CFAP52: variants seen among roughly 807,000 people sequenced by gnomAD.
CFAP52 encodes cilia- and flagella-associated protein 52.
In CFAP52, 57 loss-of-function variants were observed where a neutral mutation model predicts 70.5. The ratio of observed to expected loss-of-function variants is 0.81; its 90% CI spans 0.65 to 1.01. The LOEUF (loss-of-function observed/expected upper bound fraction) is 1.01, where lower values mean the gene tolerates loss of function less well. Ranked by LOEUF, CFAP52 falls within the 50% of genes least tolerant of loss-of-function variation. CFAP52 has a pLI of 0.00. For missense variants in CFAP52, 785 were observed against 788.5 expected (o/e 1.00, Z 0.05); for synonymous variants, 267 against 292.5 (o/e 0.91, Z 0.89).
intron 3 of CFAP52, among the ~76,000 whole-genome samples, chr17:9,587,676 A>G (rs1254292748): frequency 6.6e-6 from 1 of 152,092 alleles, no homozygotes; most frequent in Non-Finnish European, 1.5e-5. Flanking sequence ...CTTCTTTTGC[A>G]AAGTGTTCAT....
At chr17:9,633,264 G>A (rs897163234) in intron 10 of CFAP52, among the ~76,000 whole-genome samples, 9 of 152,282 alleles carry the variant, frequency 5.9e-5, no homozygotes, top group Admixed American at 2.0e-4. Flanking sequence ...GAGTGCAGTG[G>A]CTCAATCTTG....
At chr17:9,594,167 T>A (rs1483311927) in intron 3 of CFAP52, 26 bp from the exon 4 acceptor site, 1 of 1,547,870 alleles carries the variant, frequency 6.5e-7, no homozygotes, top group East Asian at 2.3e-5. Context: ...TTGACTTTTT[T>A]TTTTTGGTCC....
intron 5 of CFAP52, among the ~76,000 whole-genome samples, chr17:9,599,439 T>A (rs557065870): frequency 6.6e-6 from 1 of 152,342 alleles, no homozygotes; most frequent in South Asian, 2.1e-4. Flanking sequence ...ACCTTTATCC[T>A]AGGAGCCCTT....
chr17:9,596,818 C>T (rs936604964), intron 4 of CFAP52, among the ~76,000 whole-genome samples: 2 of 151,694 alleles, frequency 1.3e-5, no homozygotes, highest in East Asian at 1.9e-4. Flanking sequence ...CAGGTACAAG[C>T]GATTCTCCTG....
At chr17:9,634,646 C>T (rs1021589879) in intron 10 of CFAP52, among the ~76,000 whole-genome samples, 4 of 151,666 alleles carry the variant, frequency 2.6e-5, no homozygotes, top group Non-Finnish European at 4.4e-5. Flanking sequence ...CTCCTGTAGT[C>T]CCAGCTACTT....
chr17:9,635,873 GA>G (rs1240538268), intron 11 of CFAP52, among the ~76,000 whole-genome samples: 2 of 152,062 alleles, frequency 1.3e-5, no homozygotes, highest in African/African-American at 4.8e-5. Context: ...AAGGGGGCAA[GA>G]AAAATAACGA....
rs191090891 is a variant in CFAP52, at chr17:9,600,982, A to G, written c.753+799A>G. On this transcript the variant is annotated intron_variant, in intron 6 of 13. Transcript: ENST00000352665. The stretch of plus-strand genomic sequence containing the variant: ...TGTGAAGAAAGTCATTGGCGGCACT[A>G]TTCACAATAGCAAAGACTTGGAACC... 1.4e-4 allele frequency among the ~76,000 whole-genome samples: 22 copies of G among 152,228 alleles called. No individual in the cohort carries two copies. The East Asian group carries it at 4.2e-3, about 29-fold the overall frequency.
chr17:9,593,978 T>TAAC (rs940282321), intron 3 of CFAP52, among the ~76,000 whole-genome samples: 5 of 151,898 alleles, frequency 3.3e-5, no homozygotes, highest in Non-Finnish European at 7.4e-5. Context: ...AAAGAAACAA[T>TAAC]AACAACAACA....
intron 6 of CFAP52, among the ~76,000 whole-genome samples, chr17:9,607,711 C>T (rs1037604298): frequency 1.3e-5 from 2 of 152,198 alleles, no homozygotes; most frequent in African/African-American, 4.8e-5. Context: ...CTTCTCTTGG[C>T]TGCATTTGAG....
At chr17:9,604,879 A>C (rs1909423359) in intron 6 of CFAP52, among the ~76,000 whole-genome samples, 1 of 152,196 alleles carries the variant, frequency 6.6e-6, no homozygotes, top group African/African-American at 2.4e-5. Flanking sequence ...AATGTAATTA[A>C]AACAGCAATG....
intron 8 of CFAP52, among the ~76,000 whole-genome samples, chr17:9,628,426 T>G (rs933386957): frequency 6.6e-6 from 1 of 151,924 alleles, no homozygotes; most frequent in South Asian, 2.1e-4. Flanking sequence ...ATTACAGGCA[T>G]GCACCACCAT....
chr17:9,586,609 T>TAC, intron 2 of CFAP52, 89 bp from the exon 3 acceptor site: 2 of 1,374,032 alleles, frequency 1.5e-6, no homozygotes, highest in Non-Finnish European at 1.9e-6. Flanking sequence ...AAAGTGACAG[T>TAC]ACTAATTGTT....
At position 9,623,459 on chromosome 17, in the gene CFAP52, T is replaced by A. The variant is rs1387601513; in HGVS notation, c.1026-5213T>A. 2.6e-5 allele frequency among the ~76,000 whole-genome samples: 4 copies of A among 152,222 alleles called. No homozygotes were observed. In the South Asian group the frequency reaches 8.3e-4, roughly 32 times the overall value. ...TTCATATGTTTGTATTAAATCTTTA[T>A]ACAAACTCCATCAAACTCCATCAAT... On this transcript the variant is annotated intron_variant, in intron 8 of 13. Transcript: ENST00000352665.
chr17:9,576,973 G>A (rs561585643), intron 1 of CFAP52, among the ~76,000 whole-genome samples: 5 of 152,336 alleles, frequency 3.3e-5, no homozygotes, highest in African/African-American at 1.2e-4. Flanking sequence ...GCCTCAGGGA[G>A]TGAGATGGTT....
At chr17:9,605,694 G>GAAAAA (rs56157011) in intron 6 of CFAP52, among the ~76,000 whole-genome samples, 26 of 56,970 alleles carry the variant, frequency 4.6e-4, no homozygotes, top group African/African-American at 1.1e-3. Context: ...GACTCCATCT[G>GAAAAA]AAAAAAAAAA....
chr17:9,585,607 G>T (rs1387900672), intron 1 of CFAP52, among the ~76,000 whole-genome samples, 166 bp from the exon 2 acceptor site: 1 of 3,218 alleles, frequency 3.1e-4, no homozygotes, highest in Non-Finnish European at 5.0e-4. Context: ...GGAGGTGAAG[G>T]TTGCAGTGAG....
At chr17:9,593,828 G>C (rs140835398) in intron 3 of CFAP52, among the ~76,000 whole-genome samples, 4,210 of 152,054 alleles carry the variant, frequency 0.028, 221 homozygotes, top group African/African-American at 0.097. Flanking sequence ...ACCCGGACAT[G>C]GTGGTGTGCG....
intron 8 of CFAP52, among the ~76,000 whole-genome samples, chr17:9,613,925 C>T (rs1404202960): frequency 6.6e-6 from 1 of 152,126 alleles, no homozygotes; most frequent in Non-Finnish European, 1.5e-5. Context: ...GCTGCTTTCC[C>T]ACTAGGTGAA....
chr17:9,622,188 T>C (rs1910068293), intron 8 of CFAP52, among the ~76,000 whole-genome samples: 1 of 152,204 alleles, frequency 6.6e-6, no homozygotes, highest in African/African-American at 2.4e-5. Flanking sequence ...CTCTCTCTTT[T>C]TAACACATCA....
Sources: allele counts gnomAD v4.1 joint callset (sites outside exome capture counted in the v4.1 genomes callset), GRCh38; gene constraint gnomAD v4.1.1; transcripts MANE v1.5; gene names NCBI Gene and HGNC (gene_info 2026-07-23, HGNC 2026-07-21).